CCDC91: variants seen among roughly 807,000 people sequenced by gnomAD.
CCDC91 encodes the protein coiled-coil domain-containing protein 91.
In CCDC91, 48 loss-of-function variants were observed where a neutral mutation model predicts 63.2. The ratio of observed to expected loss-of-function variants is 0.76; its 90% CI spans 0.60 to 0.97. The LOEUF is 0.97. CCDC91 is among the 50% of genes least tolerant of loss of function. CCDC91 has a pLI of 0.00. For synonymous variants in CCDC91, 167 were observed against 165.8 expected (o/e 1.01, Z -0.06); for missense variants, 500 against 494.6 (o/e 1.01, Z -0.10).
chr12:28,431,082 T>C (rs1273914258), intron 8 of CCDC91, among the ~76,000 whole-genome samples: 1 of 152,140 alleles, frequency 6.6e-6, no homozygotes, highest in African/African-American at 2.4e-5. Context: ...AATTATTACA[T>C]TGTGTTCAGA....
intron 3 of CCDC91, among the ~76,000 whole-genome samples, chr12:28,278,044 G>T (rs1031297983): frequency 6.6e-6 from 1 of 151,962 alleles, no homozygotes; most frequent in South Asian, 2.1e-4. Context: ...CTCCATCTCC[G>T]CATGTTCAGA....
intron 3 of CCDC91, among the ~76,000 whole-genome samples, chr12:28,266,941 T>TA (rs1947229725): frequency 6.6e-6 from 1 of 151,714 alleles, no homozygotes; most frequent in Non-Finnish European, 1.5e-5. Context: ...TCAGAAACAG[T>TA]AGGAATCATT....
At chr12:28,257,139 A>G (rs1946509071) in intron 1 of CCDC91, 63 bp from the exon 2 acceptor site, 1 of 917,370 alleles carries the variant, frequency 1.1e-6, no homozygotes, top group East Asian at 2.5e-5. Context: ...TTTAAGTTGG[A>G]GAGTATTTTG....
intron 6 of CCDC91, among the ~76,000 whole-genome samples, chr12:28,344,173 A>G (rs1288424445): frequency 3.3e-5 from 5 of 152,150 alleles, no homozygotes. Context: ...ACATTTATAT[A>G]AGAATCCAAT....
chr12:28,458,317 A>C (rs1260711777), intron 11 of CCDC91, among the ~76,000 whole-genome samples: 1 of 151,666 alleles, frequency 6.6e-6, no homozygotes, highest in Non-Finnish European at 1.5e-5. Flanking sequence ...TTTTCATCTA[A>C]GTCCTTTTTT....
chr12:28,494,673 A>T (rs568863877), intron 12 of CCDC91, among the ~76,000 whole-genome samples: 2 of 151,854 alleles, frequency 1.3e-5, no homozygotes, highest in African/African-American at 4.8e-5. Flanking sequence ...TACAGAGCCA[A>T]ATAATTTATA....
At chr12:28,393,741 T>A (rs1180917484) in intron 8 of CCDC91, among the ~76,000 whole-genome samples, 4 of 152,230 alleles carry the variant, frequency 2.6e-5, no homozygotes, top group Admixed American at 1.3e-4. Context: ...TCTTCAGATT[T>A]CTGTACTTTT....
intron 8 of CCDC91, among the ~76,000 whole-genome samples, chr12:28,398,019 A>T (rs1280026055): frequency 1.3e-5 from 2 of 152,134 alleles, no homozygotes; most frequent in Non-Finnish European, 2.9e-5. Context: ...TTATATATTT[A>T]TTCTGTATTC....
At chr12:28,200,789 GTA>G (rs1942178954) in intron 1 of CCDC91, among the ~76,000 whole-genome samples, 1 of 151,628 alleles carries the variant, frequency 6.6e-6, no homozygotes, top group Non-Finnish European at 1.5e-5. Context: ...GAGCTGTTGG[GTA>G]CACCTCCCAG....
intron 6 of CCDC91, among the ~76,000 whole-genome samples, chr12:28,318,533 C>T (rs1448720827): frequency 6.6e-6 from 1 of 151,704 alleles, no homozygotes; most frequent in African/African-American, 2.4e-5. Context: ...AGAGCCAGAC[C>T]CTGTCTCCAA....
At chr12:28,401,307 G>A (rs1225161525) in intron 8 of CCDC91, among the ~76,000 whole-genome samples, 2 of 152,106 alleles carry the variant, frequency 1.3e-5, no homozygotes, top group East Asian at 1.9e-4. Context: ...ACAAGGAGAA[G>A]TGCCAAGAAA....
At chr12:28,338,590 G>A (rs1247790809) in intron 6 of CCDC91, among the ~76,000 whole-genome samples, 1 of 151,974 alleles carries the variant, frequency 6.6e-6, no homozygotes, top group Non-Finnish European at 1.5e-5. Flanking sequence ...GTAGGCCAAG[G>A]TAAGGATTTT....
intron 6 of CCDC91, among the ~76,000 whole-genome samples, chr12:28,349,911 T>C (rs1943067139): frequency 6.6e-6 from 1 of 152,154 alleles, no homozygotes; most frequent in African/African-American, 2.4e-5. Context: ...TTAAGCAAAC[T>C]TTCAGGCAAT....
At chr12:28,539,824 A>C (rs1593002123) in intron 12 of CCDC91, among the ~76,000 whole-genome samples, 1 of 152,152 alleles carries the variant, frequency 6.6e-6, no homozygotes, top group African/African-American at 2.4e-5. Context: ...AAAATGTGCC[A>C]GATAGATGGT....
intron 3 of CCDC91, among the ~76,000 whole-genome samples, chr12:28,279,310 T>C (rs1948445770): frequency 6.6e-6 from 1 of 152,120 alleles, no homozygotes; most frequent in Non-Finnish European, 1.5e-5. Flanking sequence ...GTATCCTCTT[T>C]AATAAAACTT....
At chr12:28,288,001 C>G (rs1350721953) in intron 3 of CCDC91, among the ~76,000 whole-genome samples, 1 of 152,032 alleles carries the variant, frequency 6.6e-6, no homozygotes, top group East Asian at 1.9e-4. Context: ...TTGCTCTCAG[C>G]TTGACTGTTG....
intron 8 of CCDC91, among the ~76,000 whole-genome samples, chr12:28,417,620 G>GAT (rs34996637): frequency 0.38 from 53,103 of 139,480 alleles, 9,480 homozygotes; most frequent in Middle Eastern, 0.47. Flanking sequence ...GAACCTTTGA[G>GAT]ATATATATAT....
At chr12:28,193,529 A>C (rs1340801569) in intron 1 of CCDC91, among the ~76,000 whole-genome samples, 1 of 151,846 alleles carries the variant, frequency 6.6e-6, no homozygotes, top group Non-Finnish European at 1.5e-5. Context: ...TGAACCAGGG[A>C]GTCGGAGGTT....
chr12:28,379,854 CGT>C (rs1215098873), intron 7 of CCDC91, among the ~76,000 whole-genome samples: 1 of 152,100 alleles, frequency 6.6e-6, no homozygotes, highest in Admixed American at 6.6e-5. Flanking sequence ...CACATGCACA[CGT>C]ATGTTTATTG....
Sources: allele counts gnomAD v4.1 joint callset (sites outside exome capture counted in the v4.1 genomes callset), GRCh38; gene constraint gnomAD v4.1.1; transcripts MANE v1.5; gene names NCBI Gene and HGNC (gene_info 2026-07-23, HGNC 2026-07-21).